Variants in TNFSF8 observed in about 807,000 individuals in gnomAD.
TNFSF8 encodes tumor necrosis factor ligand superfamily member 8.
Under a neutral mutation model 22.0 loss-of-function variants are expected in TNFSF8, and 4 were observed. The ratio of observed to expected loss-of-function variants is 0.18; its 90% CI spans 0.09 to 0.42. TNFSF8 has a LOEUF of 0.42. Ranked by LOEUF, TNFSF8 falls within the 10% of genes least tolerant of loss-of-function variation. The probability of loss-of-function intolerance (pLI) is 1.00; values close to 1 mark genes in which losing one functional copy is unlikely to be tolerated. For missense variants in TNFSF8, 233 were observed against 281.8 expected, an observed-to-expected ratio of 0.83 and a Z score of 1.24; for synonymous variants, 106 against 112.5, an observed-to-expected ratio of 0.94 and a Z score of 0.37.
At chr9:114,927,982 G>A (rs1226710027) in intron 1 of TNFSF8, among the ~76,000 whole-genome samples, 2 of 149,768 alleles carry the variant, frequency 1.3e-5, no homozygotes, top group Non-Finnish European at 3.0e-5. Context: ...TTTTTTTCTT[G>A]TTAGGTCTTA....
chr9:114,921,236 G>A (rs1232599946), intron 1 of TNFSF8, among the ~76,000 whole-genome samples: 3 of 152,182 alleles, frequency 2.0e-5, no homozygotes, highest in Non-Finnish European at 2.9e-5. Context: ...TGACAGAAGC[G>A]TGACTATTCC....
chr9:114,897,604 A>C (rs948430129), downstream of TNFSF8, among the ~76,000 whole-genome samples: 1 of 152,222 alleles, frequency 6.6e-6, no homozygotes, highest in Admixed American at 6.5e-5. Context: ...GGTGACATTG[A>C]AATGGAAATC....
intron 3 of TNFSF8, among the ~76,000 whole-genome samples, 168 bp downstream of exon 3, chr9:114,905,660 A>G (rs1827775612): frequency 1.3e-5 from 2 of 152,230 alleles, no homozygotes. Context: ...TCTCCCCGCT[A>G]AGACATTCAA....
chr9:114,902,151 C>T lies in TNFSF8; in HGVS notation c.*1780G>A, dbSNP rs1432809989. 1 of 985,368 alleles carries T rather than the reference C, an allele frequency of 1.0e-6. No individual in the cohort carries two copies. Among genetic ancestry groups the T allele is most frequent in the Non-Finnish European group, 1.2e-6 (1 of 829,930 alleles). The allele number at this position is 985,368 out of a possible 1,614,324, so 61.0% of individuals were successfully genotyped here. A position where few individuals can be genotyped will look rare whatever the true frequency, so the allele number is the denominator to read the frequency against. On this transcript the variant is annotated 3_prime_UTR_variant, in exon 4 of 4. Transcript: ENST00000223795. ...AAGATGTTCCTCCAAAGATGATGTA[C>T]AGATGCCAAGTTGGATATAGCTAGA... is the stretch of plus-strand genomic sequence containing the variant.
chr9:114,922,609 GC>G lies in TNFSF8; in HGVS notation c.196-4472del, dbSNP rs1207655206. Among the ~76,000 whole-genome samples, 4 of 152,186 alleles carry G rather than the reference GC, an allele frequency of 2.6e-5. No homozygotes were observed. The East Asian group carries it at 5.8e-4, about 22-fold the overall frequency. On this transcript the variant is annotated intron_variant, in intron 1 of 3. Coordinates refer to ENST00000223795, the MANE Select transcript of TNFSF8 (RefSeq NM_001244.4). The stretch of plus-strand genomic sequence containing the variant: ...CAAACTTAGGTGTTTGACTTTGAAG[GC>G]ACTGCTCTTCAATGTCCTGCTACAT...
At chr9:114,911,772 T>C (rs1190181726) in intron 2 of TNFSF8, among the ~76,000 whole-genome samples, 1 of 152,134 alleles carries the variant, frequency 6.6e-6, no homozygotes, top group African/African-American at 2.4e-5. Context: ...GTTAAGGTCT[T>C]TTCAGTCCTG....
chr9:114,894,197 T>C, intron 4 of TNFSF8: 1 of 1,504,308 alleles, frequency 6.6e-7, no homozygotes, highest in Non-Finnish European at 8.9e-7. Flanking sequence ...TTTGTAGATA[T>C]CGGCAGGAGA....
At position 114,902,173 on chromosome 9, in the gene TNFSF8, T is replaced by C; in HGVS notation, c.*1758A>G. The C allele has an allele frequency of 1.0e-6, 1 of 985,394 alleles. No homozygotes were observed. Among genetic ancestry groups the C allele is most frequent in the Non-Finnish European group, 1.2e-6 (1 of 829,926 alleles). 61.0% of individuals were successfully genotyped at this position (985,394 alleles called of 1,614,324 possible). ...GTACAGATGCCAAGTTGGATATAGCTAGAGAAATCTCATGGCTACCCCAAT... is the reference window on the plus strand; with the variant it reads ...GTACAGATGCCAAGTTGGATATAGCCAGAGAAATCTCATGGCTACCCCAAT... On this transcript the variant is annotated 3_prime_UTR_variant, in exon 4 of 4. Transcript: ENST00000223795.
At chr9:114,916,105 A>T (rs1827914902) in intron 2 of TNFSF8, among the ~76,000 whole-genome samples, 1 of 152,230 alleles carries the variant, frequency 6.6e-6, no homozygotes, top group African/African-American at 2.4e-5. Context: ...TGTGATGATT[A>T]AAACAAAACA....
intron 4 of TNFSF8, among the ~76,000 whole-genome samples, chr9:114,895,200 A>C (rs1286720805): frequency 6.6e-6 from 1 of 152,204 alleles, no homozygotes; most frequent in African/African-American, 2.4e-5. Context: ...GTTGCAAGTG[A>C]AATCTAAACA....
rs1366598793 is a variant in TNFSF8, at chr9:114,903,300, T to C, written c.*631A>G. ...AACAGGGGGCTGTCCCAGCCTGGTT[T>C]TCCCTGGGGGTTCCTAGGGGTGGGG... is the stretch of plus-strand genomic sequence containing the variant. On this transcript the variant is annotated 3_prime_UTR_variant, in exon 4 of 4. Coordinates refer to ENST00000223795, the MANE Select transcript of TNFSF8 (RefSeq NM_001244.4). 1 of 152,298 alleles carries C rather than the reference T, an allele frequency of 6.6e-6. No homozygotes were observed. The highest frequency in any genetic ancestry group is 2.4e-5 in the African/African-American group (1 of 41,468). The allele number at this position is 152,298 out of a possible 1,614,324, so 9.4% of individuals were successfully genotyped here. A position where few individuals can be genotyped will look rare whatever the true frequency, so the allele number is the denominator to read the frequency against.
chr9:114,913,515 C>T lies in TNFSF8; in HGVS notation c.238+4581G>A, dbSNP rs936051951. On this transcript the variant is annotated intron_variant, in intron 2 of 3. Coordinates refer to ENST00000223795, the MANE Select transcript of TNFSF8 (RefSeq NM_001244.4). ...ACTTCTGAGACATGAAAGCCAAGAGCTGGGGGCCGCAGGTGCCGAAGAAGT... is the reference window on the plus strand; with the variant it reads ...ACTTCTGAGACATGAAAGCCAAGAGTTGGGGGCCGCAGGTGCCGAAGAAGT... Among the ~76,000 whole-genome samples, 22 of 152,162 alleles carry T rather than the reference C, an allele frequency of 1.4e-4. 1 individual carries two copies. The highest frequency in any genetic ancestry group is 1.4e-3 in the Admixed American group (21 of 15,286).
intron 1 of TNFSF8, among the ~76,000 whole-genome samples, chr9:114,925,864 G>A (rs983433704): frequency 9.2e-5 from 14 of 152,100 alleles, no homozygotes; most frequent in Admixed American, 2.6e-4. Flanking sequence ...AAACAAAGAC[G>A]TCTCTAAGGT....
chr9:114,898,663 G>A (rs1280359607), downstream of TNFSF8, among the ~76,000 whole-genome samples: 3 of 152,218 alleles, frequency 2.0e-5, no homozygotes, highest in African/African-American at 7.2e-5. Context: ...ATAATGGTGA[G>A]GTCAGTTTGT....
chr9:114,921,019 A>G (rs1827981640), intron 1 of TNFSF8, among the ~76,000 whole-genome samples: 1 of 152,212 alleles, frequency 6.6e-6, no homozygotes, highest in South Asian at 2.1e-4. Flanking sequence ...CTCCTGGCCC[A>G]CAGAACACTT....
At position 114,930,208 on chromosome 9, in the gene TNFSF8, C is replaced by T. The variant is rs757365804; in HGVS notation, c.96G>A (p.Gly32=). The part of the protein sequence containing the change: ...VPAGSVASHL[G]TTSRSYFYLT... ...AATAGAAATAGCTGCGGCTCGTGGT[C>T]CCCAGGTGGCTGGCCACGGAGCCCG... Residue 32 remains glycine (G), a synonymous_variant, in exon 1 of 4, where the codon GGG becomes GGA. Transcript: ENST00000223795. The T allele has an allele frequency of 6.9e-6, 11 of 1,605,664 alleles. No homozygotes were observed. In the African/African-American group the frequency reaches 1.2e-4, roughly 18 times the overall value.
chr9:114,912,484 G>T (rs919577260), intron 2 of TNFSF8, among the ~76,000 whole-genome samples: 15 of 152,230 alleles, frequency 9.9e-5, no homozygotes, highest in African/African-American at 3.6e-4. Context: ...CCGCCTCTGG[G>T]GTTCAAGCGA....
chr9:114,922,992 G>T (rs1418750039), intron 1 of TNFSF8, among the ~76,000 whole-genome samples: 1 of 152,086 alleles, frequency 6.6e-6, no homozygotes, highest in Non-Finnish European at 1.5e-5. Context: ...GAACACCTGA[G>T]GTCTTGAGAG....
At chr9:114,916,175 A>G (rs1016438898) in intron 2 of TNFSF8, among the ~76,000 whole-genome samples, 4 of 152,190 alleles carry the variant, frequency 2.6e-5, no homozygotes, top group African/African-American at 9.7e-5. Context: ...TTCATGTTGT[A>G]AAAAAAGGAC....
Sources: allele counts gnomAD v4.1 joint callset (sites outside exome capture counted in the v4.1 genomes callset), GRCh38; gene constraint gnomAD v4.1.1; transcripts MANE v1.5; gene names NCBI Gene and HGNC (gene_info 2026-07-23, HGNC 2026-07-21).